SYNPR: variants seen among roughly 807,000 people sequenced by gnomAD.
SYNPR encodes synaptoporin.
A neutral mutation model predicts 32.9 loss-of-function variants in SYNPR; 23 were observed. The ratio of observed to expected loss-of-function variants is 0.70; its 90% CI spans 0.50 to 0.99. The LOEUF is 0.99. SYNPR is among the 50% of genes least tolerant of loss of function. The pLI is 0.00. For synonymous variants in SYNPR, 146 were observed against 135.9 expected (o/e 1.07, Z -0.52); for missense variants, 318 against 349.3 (o/e 0.91, Z 0.71).
rs372659782 is a variant in SYNPR at position 63,609,235 on chromosome 3, A to G, written c.519A>G (p.Leu173=). The G allele has an allele frequency of 2.5e-6, 4 of 1,608,160 alleles. No homozygotes were observed. The highest frequency in any genetic ancestry group is 3.4e-6 in the Non-Finnish European group (4 of 1,177,080). Residue 173 remains leucine (L), a synonymous_variant, in exon 5 of 6, where the codon CTA becomes CTG. Transcript: ENST00000478300. ...CAACGGATCCCAAGGAAGTATTGCTACTAATGTCAGCTTGCAAACAGCCAT... is the reference window on the plus strand; with the variant it reads ...CAACGGATCCCAAGGAAGTATTGCTGCTAATGTCAGCTTGCAAACAGCCAT... ...KVATDPKEVL[L]LMSACKQPSN...
intron 4 of SYNPR, among the ~76,000 whole-genome samples, chr3:63,595,766 T>A (rs1559546260): frequency 9.1e-5 from 4 of 44,064 alleles, no homozygotes; most frequent in East Asian, 7.0e-4. Flanking sequence ...TATATATATA[T>A]ATAATTTTAT....
chr3:63,340,981 T>C (rs2087361871), intron 2 of SYNPR, among the ~76,000 whole-genome samples: 1 of 152,220 alleles, frequency 6.6e-6, no homozygotes, highest in East Asian at 1.9e-4. Flanking sequence ...ACATTTACAG[T>C]GTCATACAGA....
chr3:63,286,956 T>C (rs2086690080), intron 2 of SYNPR, among the ~76,000 whole-genome samples: 1 of 152,208 alleles, frequency 6.6e-6, no homozygotes, highest in Admixed American at 6.5e-5. Flanking sequence ...GGCAGCGTAA[T>C]ATAGTTACTG....
chr3:63,303,683 T>C (rs1056592076), intron 2 of SYNPR, among the ~76,000 whole-genome samples: 1 of 152,058 alleles, frequency 6.6e-6, no homozygotes, highest in East Asian at 1.9e-4. Context: ...GCTTATCTCA[T>C]AGATTTATTC....
At chr3:63,576,040 T>A (rs1702974071) in intron 4 of SYNPR, among the ~76,000 whole-genome samples, 1 of 152,188 alleles carries the variant, frequency 6.6e-6, no homozygotes, top group African/African-American at 2.4e-5. Flanking sequence ...TTAGGTAGAA[T>A]AACTTCCTTC....
intron 2 of SYNPR, among the ~76,000 whole-genome samples, chr3:63,371,843 C>T (rs1178960393): frequency 2.6e-5 from 4 of 152,218 alleles, no homozygotes; most frequent in Non-Finnish European, 4.4e-5. Context: ...ACCCACAGCC[C>T]GTCTGCCACT....
intron 3 of SYNPR, among the ~76,000 whole-genome samples, chr3:63,554,811 C>T (rs1702566555): frequency 1.3e-5 from 2 of 152,012 alleles, no homozygotes; most frequent in African/African-American, 2.4e-5. Context: ...GGCAATAGGG[C>T]TATTTTAGTG....
At chr3:63,494,490 T>TATAC (rs1701331830) in intron 3 of SYNPR, among the ~76,000 whole-genome samples, 1 of 135,000 alleles carries the variant, frequency 7.4e-6, no homozygotes, top group Non-Finnish European at 1.6e-5. Context: ...TATATATACA[T>TATAC]ATATATACAT....
the SYNPR span, among the ~76,000 whole-genome samples, chr3:63,221,022 G>A: frequency 6.6e-6 from 1 of 152,166 alleles, no homozygotes; most frequent in African/African-American, 2.4e-5. Flanking sequence ...AATGCACTAG[G>A]GTTCTGATTT....
intron 2 of SYNPR, among the ~76,000 whole-genome samples, chr3:63,430,175 A>C (rs1699966826): frequency 6.6e-6 from 1 of 152,232 alleles, no homozygotes; most frequent in Non-Finnish European, 1.5e-5. Context: ...AATAAATAAA[A>C]TGCATCCAAT....
At chr3:63,392,839 A>G (rs1001394440) in intron 2 of SYNPR, among the ~76,000 whole-genome samples, 3 of 152,232 alleles carry the variant, frequency 2.0e-5, no homozygotes, top group East Asian at 3.9e-4. Flanking sequence ...TTTGGAAAAA[A>G]ACTGCACTGA....
rs371147270 is a variant in SYNPR at position 63,449,231 on chromosome 3, G to T, written c.85-31601G>T. The stretch of plus-strand genomic sequence containing the variant: ...AAATAGATCTAACTTGTATTATCTG[G>T]TTTTTTGTGGGTATTCACTCACTCA... On this transcript the variant is annotated intron_variant, in intron 2 of 5. Coordinates refer to ENST00000478300, the MANE Select transcript of SYNPR (RefSeq NM_001130003.2). Among the ~76,000 whole-genome samples, 27 of 152,218 alleles carry T rather than the reference G, an allele frequency of 1.8e-4. 1 individual carries two copies. The South Asian group carries it at 2.9e-3, about 16-fold the overall frequency.
rs199735260 is a variant in SYNPR at position 63,615,910 on chromosome 3, AT to A, written c.*438del. 9.1e-5 allele frequency: 14 copies of A among 153,232 alleles called. No individual in the cohort carries two copies. Among genetic ancestry groups the A allele is most frequent in the Non-Finnish European group, 1.3e-4 (9 of 69,208 alleles). The allele number at this position is 153,232 out of a possible 1,614,324, so 9.5% of individuals were successfully genotyped here. A position where few individuals can be genotyped will look rare whatever the true frequency, so the allele number is the denominator to read the frequency against. ...TGGTGTATCACAACATGCATGTCTTATTTTTTTTTAGTTTTAAGTCCTATAG... is the reference window on the plus strand; with the variant it reads ...TGGTGTATCACAACATGCATGTCTTATTTTTTTTAGTTTTAAGTCCTATAG... On this transcript the variant is annotated 3_prime_UTR_variant, in exon 6 of 6. Coordinates refer to ENST00000478300, the MANE Select transcript of SYNPR (RefSeq NM_001130003.2).
At chr3:63,206,063 C>T in the SYNPR span, among the ~76,000 whole-genome samples, 1 of 152,140 alleles carries the variant, frequency 6.6e-6, no homozygotes, top group African/African-American at 2.4e-5. Context: ...AAATTTGTAG[C>T]CCCTGTTCCT....
At chr3:63,274,716 A>G (rs2086560778), upstream of SYNPR, among the ~76,000 whole-genome samples, 1 of 152,194 alleles carries the variant, frequency 6.6e-6, no homozygotes, top group African/African-American at 2.4e-5. Context: ...CTACCTTGGC[A>G]CCATTGACAT....
intron 1 of SYNPR, among the ~76,000 whole-genome samples, chr3:63,237,981 C>T (rs893514352): frequency 2.6e-5 from 4 of 152,088 alleles, no homozygotes; most frequent in Admixed American, 2.0e-4. Flanking sequence ...ACCTATGCCA[C>T]TGGACTTGCT....
chr3:63,599,167 C>A (rs1196895731), intron 4 of SYNPR, among the ~76,000 whole-genome samples: 1 of 152,134 alleles, frequency 6.6e-6, no homozygotes, highest in African/African-American at 2.4e-5. Flanking sequence ...TATAATGAAG[C>A]TGAAAAAGTC....
chr3:63,312,221 C>T (rs1257835129), intron 2 of SYNPR, among the ~76,000 whole-genome samples: 1 of 152,024 alleles, frequency 6.6e-6, no homozygotes, highest in Non-Finnish European at 1.5e-5. Flanking sequence ...TTCTTCTAGA[C>T]ATCCCTTTTT....
At chr3:63,613,852 C>T (rs1482159018) in intron 5 of SYNPR, among the ~76,000 whole-genome samples, 1 of 152,090 alleles carries the variant, frequency 6.6e-6, no homozygotes, top group Non-Finnish European at 1.5e-5. Context: ...AGACTAAATG[C>T]CTTGTCCCAG....
Sources: allele counts gnomAD v4.1 joint callset (sites outside exome capture counted in the v4.1 genomes callset), GRCh38; gene constraint gnomAD v4.1.1; transcripts MANE v1.5; gene names NCBI Gene and HGNC (gene_info 2026-07-23, HGNC 2026-07-21).